Variants in TRIM37 observed in about 807,000 individuals in gnomAD.
TRIM37 encodes the protein E3 ubiquitin-protein ligase TRIM37.
In TRIM37, 80 loss-of-function variants were observed where a neutral mutation model predicts 129.8. The observed-to-expected ratio is 0.62, with a 90% CI of 0.51 to 0.74. TRIM37 has a LOEUF of 0.74. Among genes scored for constraint, TRIM37 ranks in the 30% least tolerant of loss-of-function variants. The probability of loss-of-function intolerance (pLI) is 0.00; values close to 1 mark genes in which losing one functional copy is unlikely to be tolerated. For synonymous variants in TRIM37, 389 were observed against 387.1 expected, an observed-to-expected ratio of 1.00 and a Z score of -0.06; for missense variants, 1,054 against 1,176.5, an observed-to-expected ratio of 0.90 and a Z score of 1.52.
intron 2 of TRIM37, among the ~76,000 whole-genome samples, chr17:59,098,226 G>A (rs998316871): frequency 3.3e-5 from 5 of 152,236 alleles, no homozygotes; most frequent in Non-Finnish European, 7.3e-5. Flanking sequence ...CTAGGGGGAA[G>A]AGAATAATGA....
intron 22 of TRIM37, among the ~76,000 whole-genome samples, chr17:59,009,953 A>ATT (rs1316371799): frequency 6.6e-6 from 1 of 152,186 alleles, no homozygotes; most frequent in Non-Finnish European, 1.5e-5. Context: ...TGAGCTGCCT[A>ATT]TAAACCTTAT....
In TRIM37 at chr17:58,998,859, C is replaced by T. The variant is rs2033301033; in HGVS notation, c.*518G>A. Reference sequence around the variant, plus strand: ...AAGGAGATTCAGTCTAGTGTTACTTCAGTTATTCACATAGTGTCTACAGGG... The same window carrying T: ...AAGGAGATTCAGTCTAGTGTTACTTTAGTTATTCACATAGTGTCTACAGGG... On this transcript the variant is annotated 3_prime_UTR_variant, in exon 24 of 24. Coordinates refer to ENST00000262294, the MANE Select transcript of TRIM37 (RefSeq NM_015294.6). 13 of 994,348 alleles carry T rather than the reference C, an allele frequency of 1.3e-5. No homozygotes were observed. The highest frequency in any genetic ancestry group is 1.4e-5 in the Non-Finnish European group (12 of 834,996). The allele number at this position is 994,348 out of a possible 1,614,324, so 61.6% of individuals were successfully genotyped here. A position where few individuals can be genotyped will look rare whatever the true frequency, so the allele number is the denominator to read the frequency against.
intron 2 of TRIM37, among the ~76,000 whole-genome samples, chr17:59,103,630 G>A (rs940642385): frequency 1.4e-5 from 2 of 144,854 alleles, no homozygotes; most frequent in African/African-American, 5.1e-5. Flanking sequence ...CTGGGCCACC[G>A]CGCTCAGGCC....
At chr17:59,101,749 TACATATATACACAC>T (rs1247135387) in intron 2 of TRIM37, among the ~76,000 whole-genome samples, 1 of 144,708 alleles carries the variant, frequency 6.9e-6, no homozygotes, top group African/African-American at 2.5e-5. Context: ...TTTATATATA[TACATATATACACAC>T]ACATATATAC....
intron 18 of TRIM37, among the ~76,000 whole-genome samples, chr17:59,030,232 G>C (rs918975921): frequency 6.6e-6 from 1 of 152,014 alleles, no homozygotes; most frequent in Non-Finnish European, 1.5e-5. Context: ...CAGCTTCCCA[G>C]GTAGCTGGGA....
intron 17 of TRIM37, among the ~76,000 whole-genome samples, chr17:59,037,733 C>A (rs960638333): frequency 2.6e-5 from 4 of 151,836 alleles, no homozygotes; most frequent in Admixed American, 2.6e-4. Context: ...ACTAATGAAC[C>A]AATACTGATA....
chr17:58,997,530 A>C (rs2033128981), downstream of TRIM37, among the ~76,000 whole-genome samples: 1 of 152,154 alleles, frequency 6.6e-6, no homozygotes, highest in South Asian at 2.1e-4. Flanking sequence ...GGTTACTTAA[A>C]GATCAATGAC....
chr17:59,105,091 C>CAAAAAAAA (rs35249068), intron 1 of TRIM37, among the ~76,000 whole-genome samples: 2 of 122,664 alleles, frequency 1.6e-5, no homozygotes, highest in Non-Finnish European at 1.7e-5. Flanking sequence ...GATTCTGTCT[C>CAAAAAAAA]AAAAAAAAAA....
At chr17:59,103,373 G>A (rs149831903) in intron 2 of TRIM37, among the ~76,000 whole-genome samples, 9 of 151,510 alleles carry the variant, frequency 5.9e-5, no homozygotes, top group African/African-American at 1.5e-4. Context: ...ACAGAGTCTC[G>A]CTCTGTCACC....
intron 9 of TRIM37, 85 bp downstream of exon 9, chr17:59,070,738 T>TAAA: frequency 2.0e-5 from 24 of 1,176,820 alleles, no homozygotes; most frequent in East Asian, 5.6e-5. Context: ...GAGATGGCAT[T>TAAA]AAAAAAAAAA....
At chr17:59,014,848 A>G (rs2035705857) in intron 21 of TRIM37, among the ~76,000 whole-genome samples, 2 of 151,490 alleles carry the variant, frequency 1.3e-5, no homozygotes, top group African/African-American at 4.8e-5. Flanking sequence ...GTACTATTTC[A>G]TCCCATTAAA....
intron 4 of TRIM37, 77 bp from the exon 5 acceptor site, chr17:59,084,166 C>A: frequency 9.1e-7 from 1 of 1,102,564 alleles, no homozygotes; most frequent in African/African-American, 1.6e-5. Context: ...TAAGCTTGGG[C>A]AAACAGGTCA....
chr17:59,103,278 C>T (rs931321237), intron 2 of TRIM37, among the ~76,000 whole-genome samples: 2 of 152,160 alleles, frequency 1.3e-5, no homozygotes, highest in African/African-American at 4.8e-5. Context: ...CAACTATGCT[C>T]TGTAGATGTG....
chr17:59,022,980 G>C (rs780675979), intron 19 of TRIM37, among the ~76,000 whole-genome samples: 1 of 151,880 alleles, frequency 6.6e-6, no homozygotes, highest in Non-Finnish European at 1.5e-5. Flanking sequence ...CTTAATATTC[G>C]AATTTTTTTC....
chr17:58,999,896 G>C (rs1438289991), intron 23 of TRIM37, among the ~76,000 whole-genome samples: 1 of 152,178 alleles, frequency 6.6e-6, no homozygotes, highest in Non-Finnish European at 1.5e-5. Flanking sequence ...ACAAAATTTG[G>C]ATGCTTATTT....
intron 12 of TRIM37, among the ~76,000 whole-genome samples, chr17:59,060,807 C>G (rs2041416458): frequency 6.6e-6 from 1 of 152,132 alleles, no homozygotes; most frequent in Non-Finnish European, 1.5e-5. Flanking sequence ...TAGTCTTCTT[C>G]TAAGCCAGAT....
intron 24 of TRIM37, among the ~76,000 whole-genome samples, chr17:58,986,670 G>A (rs960852629): frequency 5.9e-5 from 9 of 151,840 alleles, no homozygotes; most frequent in Middle Eastern, 3.4e-3. Context: ...CGGCCACCAC[G>A]CCTGGCTTTT....
At chr17:58,992,310 A>C (rs557471320) in intron 24 of TRIM37, among the ~76,000 whole-genome samples, 2 of 122,876 alleles carry the variant, frequency 1.6e-5, no homozygotes, top group African/African-American at 3.1e-5. Context: ...TATATATATA[A>C]ATACATATGT....
chr17:59,066,306 T>C (rs558044316), intron 9 of TRIM37, among the ~76,000 whole-genome samples: 3 of 152,330 alleles, frequency 2.0e-5, no homozygotes, highest in African/African-American at 7.2e-5. Context: ...TCTCATCAAG[T>C]ACAGAATATC....
Sources: allele counts gnomAD v4.1 joint callset (sites outside exome capture counted in the v4.1 genomes callset), GRCh38; gene constraint gnomAD v4.1.1; transcripts MANE v1.5; gene names NCBI Gene and HGNC (gene_info 2026-07-23, HGNC 2026-07-21).